PTPRN2: variants seen among roughly 807,000 people sequenced by gnomAD.
The protein encoded by PTPRN2 is protein tyrosine phosphatase receptor type N2.
A neutral mutation model predicts 118.8 loss-of-function variants in PTPRN2; 74 were observed. The ratio of observed to expected loss-of-function variants is 0.62; its 90% CI spans 0.52 to 0.76. The LOEUF (loss-of-function observed/expected upper bound fraction) is 0.76, where lower values mean the gene tolerates loss of function less well. PTPRN2 is among the 30% of genes least tolerant of loss of function. PTPRN2 has a pLI of 0.00. For synonymous variants in PTPRN2, 641 were observed against 608.0 expected (o/e 1.05, Z -0.80); for missense variants, 1,481 against 1,394.4 (o/e 1.06, Z -0.99).
At chr7:157,920,670 A>G (rs1056524797) in intron 11 of PTPRN2, among the ~76,000 whole-genome samples, 2 of 152,264 alleles carry the variant, frequency 1.3e-5, no homozygotes, top group African/African-American at 2.4e-5. Context: ...AGGGAACTCA[A>G]TGGGGAAGGG....
In PTPRN2 at chr7:157,785,413, G is replaced by A. The variant is rs918037007; in HGVS notation, c.1789-102476C>T. 2.0e-5 allele frequency among the ~76,000 whole-genome samples: 3 copies of A among 152,198 alleles called. No individual in the cohort carries two copies. Among genetic ancestry groups the A allele is most frequent in the Non-Finnish European group, 2.9e-5 (2 of 68,030 alleles). ...GCCCCCGAGGATGAAAGGGGGTGGT[G>A]GAAAAGGCCTTGGAGCCTGGGGCAG... is the stretch of plus-strand genomic sequence containing the variant. On this transcript the variant is annotated intron_variant, in intron 12 of 22. Coordinates refer to ENST00000389418, the MANE Select transcript of PTPRN2 (RefSeq NM_002847.5). This position sits in a 1 kb window ranked among gnomAD's most constrained non-coding sequence, Gnocchi z 7.3.
At position 157,780,969 on chromosome 7, in the gene PTPRN2, C is replaced by T. The variant is rs556578557; in HGVS notation, c.1789-98032G>A. The stretch of plus-strand genomic sequence containing the variant: ...GCCCCTGAGCCAGGCAGCTCCAGGC[C>T]AAACCTTCTCTGGCCTCCTGCCGCT... On this transcript the variant is annotated intron_variant, in intron 12 of 22. Coordinates refer to ENST00000389418, the MANE Select transcript of PTPRN2 (RefSeq NM_002847.5). This position sits in a 1 kb window ranked among gnomAD's most constrained non-coding sequence, Gnocchi z 4.5. 3.5e-4 allele frequency among the ~76,000 whole-genome samples: 54 copies of T among 152,326 alleles called. No individual in the cohort carries two copies. The highest frequency in any genetic ancestry group is 1.1e-3 in the African/African-American group (46 of 41,564).
chr7:157,927,974 G>A (rs761874205), intron 11 of PTPRN2, among the ~76,000 whole-genome samples: 3 of 152,180 alleles, frequency 2.0e-5, no homozygotes, highest in East Asian at 3.9e-4. Flanking sequence ...AGAGCTGCCC[G>A]ACGCTTAGAG....
chr7:157,856,364 C>T (rs541681872), intron 12 of PTPRN2, among the ~76,000 whole-genome samples: 6 of 152,282 alleles, frequency 3.9e-5, no homozygotes, highest in African/African-American at 1.2e-4. Flanking sequence ...TTTTTGTTTT[C>T]GCTTTTCAAG....
At chr7:158,153,268 C>T (rs1486089383) in intron 6 of PTPRN2, among the ~76,000 whole-genome samples, 1 of 152,208 alleles carries the variant, frequency 6.6e-6, no homozygotes, top group African/African-American at 2.4e-5. Flanking sequence ...ACTTACTCTC[C>T]AAGCCCACAT....
intron 12 of PTPRN2, among the ~76,000 whole-genome samples, chr7:157,728,907 C>G (rs1440105683): frequency 6.6e-6 from 1 of 152,152 alleles, no homozygotes; most frequent in East Asian, 1.9e-4. Flanking sequence ...GGAGTGGCAC[C>G]ACCTTAATCA....
intron 11 of PTPRN2, among the ~76,000 whole-genome samples, chr7:157,988,816 G>A (rs980928741): frequency 1.3e-5 from 2 of 152,236 alleles, no homozygotes; most frequent in Non-Finnish European, 2.9e-5. Flanking sequence ...GGGCAGGGCT[G>A]CTCTGGGCAG....
chr7:158,343,299 C>T (rs562256182), intron 2 of PTPRN2, among the ~76,000 whole-genome samples: 4 of 152,286 alleles, frequency 2.6e-5, no homozygotes, highest in South Asian at 2.1e-4. Context: ...ACAGGGAAGG[C>T]GCCCAGCATC....
At chr7:157,655,265 A>G (rs756415973) in intron 14 of PTPRN2, among the ~76,000 whole-genome samples, 5 of 152,196 alleles carry the variant, frequency 3.3e-5, no homozygotes, top group Non-Finnish European at 7.3e-5. Flanking sequence ...TGAGTTCCTC[A>G]GTTTCCCCAA....
chr7:157,795,090 ACCTGGGAGGCT>A (rs1424763819), intron 12 of PTPRN2, among the ~76,000 whole-genome samples: 2 of 135,094 alleles, frequency 1.5e-5, no homozygotes, highest in Non-Finnish European at 3.1e-5. Context: ...TCACCTGTGC[ACCTGGGAGGCT>A]CCTGGGGCTC....
chr7:157,847,913 A>C (rs1385427863), intron 12 of PTPRN2, among the ~76,000 whole-genome samples: 235 of 70,962 alleles, frequency 3.3e-3, no homozygotes, highest in African/African-American at 4.5e-3. Context: ...CTCTCTCATT[A>C]CATCATGTGT....
At chr7:158,253,676 C>T (rs1796835142) in intron 3 of PTPRN2, among the ~76,000 whole-genome samples, 1 of 152,200 alleles carries the variant, frequency 6.6e-6, no homozygotes, top group South Asian at 2.1e-4. Context: ...CGAGGCAAGA[C>T]TGGGGACTTC....
At chr7:158,257,573 C>T (rs951749888) in intron 3 of PTPRN2, among the ~76,000 whole-genome samples, 1 of 152,222 alleles carries the variant, frequency 6.6e-6, no homozygotes, top group Non-Finnish European at 1.5e-5. Flanking sequence ...TGGACGACCC[C>T]GAGCCCCCAG....
At chr7:157,879,670 G>C (rs1480000983) in intron 12 of PTPRN2, among the ~76,000 whole-genome samples, 2 of 151,998 alleles carry the variant, frequency 1.3e-5, no homozygotes, top group Admixed American at 6.6e-5. Flanking sequence ...AAGAGAGACA[G>C]TGTGAACCCC....
chr7:158,317,103 T>A (rs1006226980), intron 2 of PTPRN2, among the ~76,000 whole-genome samples, 171 bp from the exon 3 acceptor site: 1 of 152,176 alleles, frequency 6.6e-6, no homozygotes, highest in Non-Finnish European at 1.5e-5. Context: ...GATGCTGGTT[T>A]GTGAGATAAA....
At chr7:158,123,910 G>C (rs1817391991) in intron 9 of PTPRN2, among the ~76,000 whole-genome samples, 1 of 151,826 alleles carries the variant, frequency 6.6e-6, no homozygotes, top group African/African-American at 2.4e-5. Flanking sequence ...GGCGGAACAG[G>C]CTCTCTAACC....
At chr7:158,469,636 G>C (rs1477304064) in intron 2 of PTPRN2, among the ~76,000 whole-genome samples, 1 of 141,186 alleles carries the variant, frequency 7.1e-6, no homozygotes, top group Non-Finnish European at 1.5e-5. Flanking sequence ...TCTGTTCCTT[G>C]AAAACAAATG....
chr7:157,864,980 T>G (rs1584905068), intron 12 of PTPRN2: 1 of 152,356 alleles, frequency 6.6e-6, no homozygotes, highest in East Asian at 1.9e-4. Flanking sequence ...AGGACCTGTG[T>G]CTCTGAGGTC....
intron 1 of PTPRN2, among the ~76,000 whole-genome samples, chr7:158,541,200 T>C (rs978206695): frequency 2.0e-5 from 3 of 152,202 alleles, no homozygotes; most frequent in South Asian, 2.1e-4. Context: ...CTTGAAGACA[T>C]AGGGTAAATT....
Sources: allele counts gnomAD v4.1 joint callset (sites outside exome capture counted in the v4.1 genomes callset), GRCh38; gene constraint gnomAD v4.1.1; non-coding constraint Gnocchi (gnomAD v3.1); transcripts MANE v1.5; gene names NCBI Gene and HGNC (gene_info 2026-07-23, HGNC 2026-07-21).